AP2A1: variants seen among roughly 807,000 people sequenced by gnomAD.
AP2A1 encodes adaptor related protein complex 2 subunit alpha 1.
Under a neutral mutation model 107.3 loss-of-function variants are expected in AP2A1, and 21 were observed. That is an observed-to-expected ratio of 0.20 (90% CI 0.14 to 0.28). The LOEUF is 0.28. Ranked by LOEUF, AP2A1 falls within the 10% of genes least tolerant of loss-of-function variation. AP2A1 has a pLI of 1.00. For missense variants in AP2A1, 873 were observed against 1,307.7 expected (o/e 0.67, Z 5.13); for synonymous variants, 602 against 564.8 (o/e 1.07, Z -0.93).
intron 4 of AP2A1, among the ~76,000 whole-genome samples, chr19:49,790,120 C>CT (rs1452865269): frequency 6.6e-6 from 1 of 152,216 alleles, no homozygotes; most frequent in African/African-American, 2.4e-5. Context: ...TCTCACGGGG[C>CT]TAAAATCAAG....
intron 11 of AP2A1, 48 bp from the exon 12 acceptor site, chr19:49,800,913 G>T: frequency 6.7e-7 from 1 of 1,498,782 alleles, no homozygotes; most frequent in Non-Finnish European, 9.1e-7. Flanking sequence ...CGATCCCGGA[G>T]AGGGCGCTCA....
chr19:49,772,305 G>T (rs1199391944), intron 1 of AP2A1, among the ~76,000 whole-genome samples: 2 of 113,946 alleles, frequency 1.8e-5, no homozygotes, highest in Non-Finnish European at 3.3e-5. Flanking sequence ...TGTCGCCCAG[G>T]CTGGAGTGCA....
In AP2A1 at chr19:49,767,063, G is replaced by C; in HGVS notation, c.-71G>C. 1 of 1,502,468 alleles carries C rather than the reference G, an allele frequency of 6.7e-7. No individual in the cohort carries two copies. Among genetic ancestry groups the C allele is most frequent in the Non-Finnish European group, 8.9e-7 (1 of 1,123,536 alleles). 93.1% of individuals were successfully genotyped at this position (1,502,468 alleles called of 1,614,324 possible). ...GCGCTGCCTGGGGTCCTTTCCGCCC[G>C]GTCCCCGCTTGCCAGCCCCCGCTGC... On this transcript the variant is annotated 5_prime_UTR_variant, in exon 1 of 23. Coordinates refer to ENST00000354293, the MANE Select transcript of AP2A1 (RefSeq NM_130787.3).
chr19:49,791,092 C>T (rs1167554950), intron 4 of AP2A1, among the ~76,000 whole-genome samples: 1 of 152,272 alleles, frequency 6.6e-6, no homozygotes, highest in East Asian at 1.9e-4. Flanking sequence ...CTGCAGGCCT[C>T]CTTGCTGCTC....
Position 49,772,246 on chromosome 19 carries a change from G to GTTTT in AP2A1, c.67+5074_67+5077dup, listed in dbSNP as rs71180653. Among the ~76,000 whole-genome samples, 40 of 56,176 alleles carry GTTTT rather than the reference G, an allele frequency of 7.1e-4. 3 individuals are homozygous for GTTTT. The highest frequency in any genetic ancestry group is 2.1e-3 in the African/African-American group (30 of 14,546). 36.9% of individuals were successfully genotyped at this position (56,176 alleles called of 152,430 possible). A position where few individuals can be genotyped will look rare whatever the true frequency, so the allele number is the denominator to read the frequency against. ...CAAATTTTTTTGTATTTTTCATAGA[G>GTTTT]TTTTTTTTTTTTTTTTTTTTTTTTT... On this transcript the variant is annotated intron_variant, in intron 1 of 22. Transcript: ENST00000354293.
At position 49,806,942 on chromosome 19, in the gene AP2A1, G is replaced by A. The variant is rs772811941; in HGVS notation, c.*184G>A. On this transcript the variant is annotated 3_prime_UTR_variant, in exon 23 of 23. Transcript: ENST00000354293. ...TCATCTGCTGCTGTTTACATTCTGG[G>A]GGGTTAGGGGGAGTCCCCCTCCCTC... The A allele has an allele frequency of 2.4e-5, 37 of 1,533,820 alleles. No individual in the cohort carries two copies. The South Asian group carries it at 3.8e-4, about 16-fold the overall frequency.
At chr19:49,797,823 G>C (rs1191207490) in intron 7 of AP2A1, among the ~76,000 whole-genome samples, 1 of 151,832 alleles carries the variant, frequency 6.6e-6, no homozygotes, top group African/African-American at 2.4e-5. Flanking sequence ...GGCTAACACT[G>C]TCATCCCAGC....
chr19:49,798,741 C>T, intron 7 of AP2A1, 61 bp from the exon 8 acceptor site: 2 of 1,559,130 alleles, frequency 1.3e-6, no homozygotes, highest in Non-Finnish European at 1.7e-6. Context: ...TGGCCACCAC[C>T]CCAGCAGGTG....
chr19:49,798,837 C>T lies in AP2A1; in HGVS notation c.850C>T (p.Leu284=). The T allele has an allele frequency of 6.2e-7, 1 of 1,603,688 alleles. No individual in the cohort carries two copies. The highest frequency in any genetic ancestry group is 8.5e-7 in the Non-Finnish European group (1 of 1,175,378). ...TGTGAAGGGGCGGCTGGTGGAATGT[C>T]TGGAGACTGTGCTCAACAAGGCCCA... ...AAVKGRLVEC[L]ETVLNKAQEP... The change falls in exon 8 of 23, where the codon CTG becomes TTG. Residue 284 remains leucine, a synonymous_variant. Coordinates refer to ENST00000354293, the MANE Select transcript of AP2A1 (RefSeq NM_130787.3).
chr19:49,782,494 C>T, intron 3 of AP2A1, 37 bp from the exon 4 acceptor site: 1 of 1,593,590 alleles, frequency 6.3e-7, no homozygotes, highest in African/African-American at 1.3e-5. Context: ...CACTCAGTCA[C>T]AAGGCTCCTA....
In AP2A1 at chr19:49,806,981, A is replaced by G. The variant is rs1482802290; in HGVS notation, c.*223A>G. ...TCCCCCTCCCTCCCTTTCCCCCCCAAGCACAGAGGGGAGAGGGGCCAGGGA... is the reference window on the plus strand; with the variant it reads ...TCCCCCTCCCTCCCTTTCCCCCCCAGGCACAGAGGGGAGAGGGGCCAGGGA... On this transcript the variant is annotated 3_prime_UTR_variant, in exon 23 of 23. Coordinates refer to ENST00000354293, the MANE Select transcript of AP2A1 (RefSeq NM_130787.3). 3 of 1,529,480 alleles carry G rather than the reference A, an allele frequency of 2.0e-6. No homozygotes were observed. Among genetic ancestry groups the G allele is most frequent in the South Asian group, 1.2e-5 (1 of 83,052 alleles). 94.7% of individuals were successfully genotyped at this position (1,529,480 alleles called of 1,614,324 possible).
intron 15 of AP2A1, 182 bp from the exon 16 acceptor site, chr19:49,802,760 CGGGCCAG>C (rs2073306545): frequency 9.9e-7 from 1 of 1,005,636 alleles, no homozygotes; most frequent in East Asian, 2.6e-5. Flanking sequence ...TGCGGGGGCA[CGGGCCAG>C]GGTTCTATTC....
chr19:49,802,612 C>T (rs1356714966), intron 15 of AP2A1: 1 of 1,449,178 alleles, frequency 6.9e-7, no homozygotes, highest in Non-Finnish European at 9.4e-7. Context: ...AAGGGGTGGC[C>T]TGGGGTGGGA....
At position 49,785,994 on chromosome 19, in the gene AP2A1, C is replaced by T. The variant is rs1362752112; in HGVS notation, c.473+3270C>T. 2.0e-5 allele frequency among the ~76,000 whole-genome samples: 3 copies of T among 151,626 alleles called. No individual in the cohort carries two copies. The stretch of plus-strand genomic sequence containing the variant: ...ACTCAGGAGGCTGAGGCAGGAGAAT[C>T]GCATAAACCCGGGGGGCAGAGGTTG... On this transcript the variant is annotated intron_variant, in intron 4 of 22. Transcript: ENST00000354293. The surrounding 1 kb of genome is among the most constrained non-coding windows in gnomAD (Gnocchi z 4.1).
chr19:49,796,653 G>C (rs939219743), intron 7 of AP2A1: 2 of 152,240 alleles, frequency 1.3e-5, no homozygotes, highest in Non-Finnish European at 2.9e-5. Flanking sequence ...ATGTCTGCGT[G>C]CATCCCCTGT....
intron 1 of AP2A1, among the ~76,000 whole-genome samples, chr19:49,780,531 G>A (rs1198618269): frequency 6.6e-6 from 1 of 152,160 alleles, no homozygotes; most frequent in Non-Finnish European, 1.5e-5. Context: ...CTGTGACAGG[G>A]GCAGAGGACT....
intron 4 of AP2A1, among the ~76,000 whole-genome samples, chr19:49,790,833 A>T (rs192835113): frequency 4.1e-4 from 62 of 152,374 alleles, no homozygotes; most frequent in Admixed American, 2.1e-3. Context: ...TGTGGAGAGA[A>T]GATAAACGTG....
chr19:49,767,240 G>T (rs747836143), intron 1 of AP2A1, 40 bp downstream of exon 1: 39 of 1,605,306 alleles, frequency 2.4e-5, no homozygotes, highest in Admixed American at 5.0e-5. Flanking sequence ...CGCGGGGGAG[G>T]GGGGAGCGTG....
chr19:49,802,680 CT>C, intron 15 of AP2A1: 1 of 1,342,082 alleles, frequency 7.5e-7, no homozygotes, highest in Non-Finnish European at 1.0e-6. Context: ...ACTGGGAGCC[CT>C]CGTCAACGGG....
Sources: gnomAD v4.1 joint callset for allele counts (sites outside exome capture counted in the v4.1 genomes callset) on GRCh38, gnomAD v4.1.1 for gene constraint, Gnocchi (gnomAD v3.1) non-coding constraint, MANE v1.5 for transcripts, NCBI Gene and HGNC (gene_info 2026-07-23, HGNC 2026-07-21) for gene names.